The following ATP8B4 variants were observed in gnomAD, a reference collection of about 807,000 sequenced individuals.
ATP8B4 encodes the protein probable phospholipid-transporting ATPase IM.
Under a neutral mutation model 145.6 loss-of-function variants are expected in ATP8B4, and 133 were observed. The observed-to-expected ratio is 0.91, with a 90% CI of 0.79 to 1.05. ATP8B4 has a LOEUF of 1.05. ATP8B4 is among the 50% of genes least tolerant of loss of function. The pLI is 0.00. For synonymous variants in ATP8B4, 507 were observed against 492.9 expected (o/e 1.03, Z -0.38); for missense variants, 1,458 against 1,425.2 (o/e 1.02, Z -0.37).
Position 49,897,448 on chromosome 15 carries a change from T to A in ATP8B4, c.2541A>T (p.Ser847=). 6.2e-7 allele frequency: 1 copy of A among 1,609,412 alleles called. No homozygotes were observed. The highest frequency in any genetic ancestry group is 8.5e-7 in the Non-Finnish European group (1 of 1,178,120). The change falls in exon 23 of 28, where the codon TCA becomes TCT. Residue 847 remains serine, a synonymous_variant. Transcript: ENST00000284509. ...GLQAVLASDY[S]FAQFRYLQRL... ...TTTGGAGATATCTAAACTGTGCAAATGAATAGTCGCTGGCTAAGACTGCTT... is the reference window on the plus strand; with the variant it reads ...TTTGGAGATATCTAAACTGTGCAAAAGAATAGTCGCTGGCTAAGACTGCTT...
rs566711400 is a variant in ATP8B4 at position 49,915,217 on chromosome 15, A to T, written c.2141+1717T>A. 2.6e-5 allele frequency among the ~76,000 whole-genome samples: 4 copies of T among 152,300 alleles called. No individual in the cohort carries two copies. The East Asian group carries it at 7.7e-4, about 29-fold the overall frequency. ...AAGTCAAATAAGGCACAGAATGACA[A>T]GTTTCACATGTTCTCACTCCTATGC... On this transcript the variant is annotated intron_variant, in intron 20 of 27. Transcript: ENST00000284509.
intron 14 of ATP8B4, among the ~76,000 whole-genome samples, chr15:49,947,350 G>C (rs921308809): frequency 6.8e-6 from 1 of 148,068 alleles, no homozygotes; most frequent in Non-Finnish European, 1.5e-5. Flanking sequence ...GCAATCACTT[G>C]AACCTGGGAG....
At chr15:50,038,315 A>G (rs1279144233) in intron 6 of ATP8B4, among the ~76,000 whole-genome samples, 1 of 152,236 alleles carries the variant, frequency 6.6e-6, no homozygotes. Context: ...GTACTATGGT[A>G]GATGGCCCAT....
chr15:50,163,283 C>T (rs1442913908), intron 1 of ATP8B4, among the ~76,000 whole-genome samples: 2 of 152,198 alleles, frequency 1.3e-5, no homozygotes, highest in Non-Finnish European at 2.9e-5. Context: ...TCCAAGTATT[C>T]CAAGGCACTT....
At chr15:50,130,803 A>C (rs2057340921) in intron 1 of ATP8B4, among the ~76,000 whole-genome samples, 1 of 152,070 alleles carries the variant, frequency 6.6e-6, no homozygotes, top group Non-Finnish European at 1.5e-5. Context: ...AAAAATAAAT[A>C]AGAGTCTTGG....
intron 23 of ATP8B4, among the ~76,000 whole-genome samples, chr15:49,886,559 C>T (rs2036213842): frequency 6.6e-6 from 1 of 152,126 alleles, no homozygotes; most frequent in Non-Finnish European, 1.5e-5. Flanking sequence ...CTATAATAAA[C>T]TATGGTAGCC....
intron 2 of ATP8B4, among the ~76,000 whole-genome samples, chr15:50,106,009 A>G (rs918527077): frequency 3.3e-5 from 5 of 152,212 alleles, no homozygotes; most frequent in African/African-American, 9.6e-5. Flanking sequence ...GGGCATAATT[A>G]ATGGCCTGTG....
chr15:49,991,349 G>C (rs2047032013), intron 9 of ATP8B4, among the ~76,000 whole-genome samples: 1 of 152,136 alleles, frequency 6.6e-6, no homozygotes, highest in Non-Finnish European at 1.5e-5. Context: ...ATGTAAACTT[G>C]TCAGGAGTTG....
At chr15:49,863,736 G>C (rs1215561773) in intron 26 of ATP8B4, among the ~76,000 whole-genome samples, 1 of 152,080 alleles carries the variant, frequency 6.6e-6, no homozygotes, top group Non-Finnish European at 1.5e-5. Flanking sequence ...GCTCCTTGAA[G>C]CTTGGTACCC....
At chr15:49,969,584 A>G (rs1357405643) in intron 13 of ATP8B4, among the ~76,000 whole-genome samples, 1 of 152,200 alleles carries the variant, frequency 6.6e-6, no homozygotes, top group Non-Finnish European at 1.5e-5. Context: ...AAGAAGTCAA[A>G]TGCCTGAATA....
intron 2 of ATP8B4, among the ~76,000 whole-genome samples, chr15:50,076,311 G>A (rs1402477714): frequency 8.6e-5 from 13 of 152,020 alleles, no homozygotes; most frequent in Admixed American, 8.5e-4. Flanking sequence ...GGCCAACATG[G>A]TGAAACCTCA....
In ATP8B4 at chr15:49,897,290, A is replaced by G. The variant is rs781569547; in HGVS notation, c.2697+2T>C. The G allele has an allele frequency of 1.9e-6, 3 of 1,603,988 alleles. No homozygotes were observed. Among genetic ancestry groups the G allele is most frequent in the Non-Finnish European group, 2.6e-6 (3 of 1,173,752 alleles). ...AACAAAAAAAAACATGCTTTTACCA[A>G]CCTGGGCTGAGAAACCACAGAAGAA... On this transcript the variant is annotated splice_donor_variant, in intron 23 of 27. Coordinates refer to ENST00000284509, the MANE Select transcript of ATP8B4 (RefSeq NM_024837.4). LOFTEE classifies it high-confidence loss of function.
intron 1 of ATP8B4, among the ~76,000 whole-genome samples, chr15:50,162,739 C>T (rs955816755): frequency 6.6e-6 from 1 of 152,082 alleles, no homozygotes; most frequent in African/African-American, 2.4e-5. Context: ...ATCTCCTGAC[C>T]TCATGATCCA....
At chr15:49,907,704 G>T (rs2038774000) in intron 20 of ATP8B4, among the ~76,000 whole-genome samples, 1 of 152,186 alleles carries the variant, frequency 6.6e-6, no homozygotes, top group African/African-American at 2.4e-5. Flanking sequence ...CAAGCAAACA[G>T]AGGTTATTCC....
At chr15:49,963,463 C>T (rs1218637565) in intron 13 of ATP8B4, among the ~76,000 whole-genome samples, 2 of 152,256 alleles carry the variant, frequency 1.3e-5, no homozygotes, top group East Asian at 1.9e-4. Context: ...CACACACATA[C>T]GTTCATTGCA....
At chr15:50,009,811 T>C (rs1205854048) in intron 7 of ATP8B4, 4 of 369,528 alleles carry the variant, frequency 1.1e-5, no homozygotes, top group Non-Finnish European at 2.1e-5. Flanking sequence ...CTGTTTTGGC[T>C]GCCGACACCT....
chr15:50,015,637 C>T (rs1049232891), intron 6 of ATP8B4, among the ~76,000 whole-genome samples: 2 of 152,204 alleles, frequency 1.3e-5, no homozygotes, highest in Non-Finnish European at 2.9e-5. Context: ...CAATCATGAT[C>T]CCCTGACACA....
At chr15:50,110,001 A>G (rs909438914) in intron 1 of ATP8B4, among the ~76,000 whole-genome samples, 1 of 152,200 alleles carries the variant, frequency 6.6e-6, no homozygotes, top group Non-Finnish European at 1.5e-5. Flanking sequence ...CTATGTTGCT[A>G]CTGTTAATTT....
At chr15:49,862,436 T>C in intron 26 of ATP8B4, 61 bp from the exon 27 acceptor site, 2 of 1,549,134 alleles carry the variant, frequency 1.3e-6, no homozygotes, top group Non-Finnish European at 1.8e-6. Context: ...TATTAATTAA[T>C]AGGTTCTTTG....
Sources: gnomAD v4.1 joint callset for allele counts (sites outside exome capture counted in the v4.1 genomes callset) on GRCh38, gnomAD v4.1.1 for gene constraint, MANE v1.5 for transcripts, NCBI Gene and HGNC (gene_info 2026-07-23, HGNC 2026-07-21) for gene names.